The following NRXN3 variants were observed in gnomAD, a reference collection of about 807,000 sequenced individuals.
The protein encoded by NRXN3 is neurexin 3, also known as neurexin III.
In NRXN3, 32 loss-of-function variants were observed where a neutral mutation model predicts 137.6. The ratio of observed to expected loss-of-function variants is 0.23; its 90% CI spans 0.18 to 0.31. The LOEUF (loss-of-function observed/expected upper bound fraction) is 0.31, where lower values mean the gene tolerates loss of function less well. Among genes scored for constraint, NRXN3 ranks in the 10% least tolerant of loss-of-function variants. The pLI, the probability that NRXN3 is intolerant of heterozygous loss-of-function variation, is 1.00. For synonymous variants in NRXN3, 798 were observed against 784.5 expected (o/e 1.02, Z -0.29); for missense variants, 1,574 against 2,062.5 (o/e 0.76, Z 4.59).
chr14:79,671,808 C>T (rs574712127), intron 17 of NRXN3, among the ~76,000 whole-genome samples: 1 of 152,016 alleles, frequency 6.6e-6, no homozygotes, highest in East Asian at 1.9e-4. Flanking sequence ...AGCTGATAAG[C>T]ATTTCAAGGC....
At chr14:79,764,159 G>A (rs1439302814) in intron 19 of NRXN3, among the ~76,000 whole-genome samples, 3 of 87,070 alleles carry the variant, frequency 3.4e-5, no homozygotes, top group Non-Finnish European at 7.0e-5. Context: ...TTTTTCTTTT[G>A]GTGGGTGGGG....
At chr14:79,198,822 G>A (rs1334102629) in intron 15 of NRXN3, among the ~76,000 whole-genome samples, 2 of 152,072 alleles carry the variant, frequency 1.3e-5, no homozygotes, top group African/African-American at 4.8e-5. Flanking sequence ...TCCAAAATGG[G>A]GATTGAACTG....
intron 4 of NRXN3, among the ~76,000 whole-genome samples, chr14:78,624,862 G>A (rs2097441466): frequency 6.6e-6 from 1 of 151,596 alleles, no homozygotes; most frequent in Admixed American, 6.6e-5. Flanking sequence ...TTTGTTTTGA[G>A]AAGGAGTCTC....
At position 78,718,162 on chromosome 14, in the gene NRXN3, G is replaced by A. The variant is rs2098442956; in HGVS notation, c.2044+3023G>A. Among the ~76,000 whole-genome samples the A allele has an allele frequency of 2.6e-5, 4 of 152,130 alleles. No individual in the cohort carries two copies. In the South Asian group the frequency reaches 8.3e-4, roughly 32 times the overall value. On this transcript the variant is annotated intron_variant, in intron 8 of 20. Transcript: ENST00000335750. Reference sequence around the variant, plus strand: ...TCTCTCTAATTTTTATTATGTAGAAGCATTCTAGAATCAAGTCTAAGTCTA... The same window carrying A: ...TCTCTCTAATTTTTATTATGTAGAAACATTCTAGAATCAAGTCTAAGTCTA...
At chr14:78,374,048 G>A (rs1274556814) in intron 4 of NRXN3, among the ~76,000 whole-genome samples, 1 of 152,152 alleles carries the variant, frequency 6.6e-6, no homozygotes, top group Non-Finnish European at 1.5e-5. Context: ...AGGCATAAAA[G>A]TGGGGTTCTA....
intron 4 of NRXN3, among the ~76,000 whole-genome samples, chr14:78,494,521 T>C (rs1414097103): frequency 6.6e-6 from 1 of 151,018 alleles, no homozygotes; most frequent in Non-Finnish European, 1.5e-5. Flanking sequence ...AAATGAATGG[T>C]CTCGCTGTAA....
At chr14:78,546,137 C>G (rs1373350202) in intron 4 of NRXN3, among the ~76,000 whole-genome samples, 1 of 152,158 alleles carries the variant, frequency 6.6e-6, no homozygotes, top group Non-Finnish European at 1.5e-5. Context: ...TGAACAAATA[C>G]TGTCATATGG....
intron 3 of NRXN3, among the ~76,000 whole-genome samples, chr14:78,279,317 G>T (rs747981203): frequency 6.6e-6 from 1 of 152,160 alleles, no homozygotes; most frequent in African/African-American, 2.4e-5. Flanking sequence ...CTGGTTTTAA[G>T]CATTGCGTGT....
chr14:78,273,076 C>T (rs552890450), intron 2 of NRXN3, among the ~76,000 whole-genome samples: 1 of 152,348 alleles, frequency 6.6e-6, no homozygotes, highest in Admixed American at 6.5e-5. Flanking sequence ...TCCTGTATAA[C>T]AGCACACAGA....
At chr14:78,758,988 G>A (rs74064946) in intron 8 of NRXN3, among the ~76,000 whole-genome samples, 11 of 152,190 alleles carry the variant, frequency 7.2e-5, no homozygotes, top group Admixed American at 7.2e-4. Flanking sequence ...TCAGGAAAGA[G>A]GGACTTTTCA....
rs200471697 is a variant in NRXN3 at position 78,232,684 on chromosome 14, C to G, written c.-703-9707C>G. ...AGCCCTCCCTGCTTCTCTTCCCTAT[C>G]CCCTCATGTAAAGAATTCACTGGCT... is the stretch of plus-strand genomic sequence containing the variant. On this transcript the variant is annotated intron_variant, in intron 1 of 20. Transcript: ENST00000335750. 5.8e-4 allele frequency among the ~76,000 whole-genome samples: 88 copies of G among 152,294 alleles called. 1 individual carries two copies. The highest frequency in any genetic ancestry group is 5.4e-3 in the East Asian group (28 of 5,184).
intron 19 of NRXN3, among the ~76,000 whole-genome samples, chr14:79,749,942 TTGTC>T (rs1313831620): frequency 6.6e-6 from 1 of 152,174 alleles, no homozygotes; most frequent in African/African-American, 2.4e-5. Flanking sequence ...AAGAAAGACA[TTGTC>T]TGAGCACACA....
At chr14:78,656,246 A>T (rs1601962385) in intron 6 of NRXN3, among the ~76,000 whole-genome samples, 1 of 152,228 alleles carries the variant, frequency 6.6e-6, no homozygotes, top group East Asian at 1.9e-4. Flanking sequence ...AATAAATAGC[A>T]GTTAATGCAC....
At chr14:79,710,272 A>G (rs2098798402) in intron 19 of NRXN3, among the ~76,000 whole-genome samples, 1 of 152,122 alleles carries the variant, frequency 6.6e-6, no homozygotes, top group Admixed American at 6.6e-5. Flanking sequence ...AAAACAGAAT[A>G]ATTTCGTTGC....
At chr14:78,532,241 A>T (rs2153812650) in intron 4 of NRXN3, among the ~76,000 whole-genome samples, 1 of 151,996 alleles carries the variant, frequency 6.6e-6, no homozygotes, top group South Asian at 2.1e-4. Flanking sequence ...GAATCACTTG[A>T]ACCCAGGAGG....
At chr14:79,667,343 T>C (rs1342026303) in intron 17 of NRXN3, among the ~76,000 whole-genome samples, 2 of 152,082 alleles carry the variant, frequency 1.3e-5, no homozygotes, top group Non-Finnish European at 2.9e-5. Flanking sequence ...GTAGCTCCTA[T>C]AGAAGATTTA....
chr14:79,785,663 A>C (rs1029779328), intron 19 of NRXN3, among the ~76,000 whole-genome samples: 1 of 152,052 alleles, frequency 6.6e-6, no homozygotes, highest in Non-Finnish European at 1.5e-5. Context: ...CTACTTAATT[A>C]TAAGCTTCTT....
intron 15 of NRXN3, among the ~76,000 whole-genome samples, chr14:79,184,097 C>T (rs1223077812): frequency 1.3e-5 from 2 of 152,304 alleles, no homozygotes; most frequent in South Asian, 2.1e-4. Flanking sequence ...CTGCTTCAGG[C>T]TTCAGATCCT....
intron 8 of NRXN3, among the ~76,000 whole-genome samples, chr14:78,762,759 A>G (rs937682007): frequency 6.6e-6 from 1 of 152,224 alleles, no homozygotes; most frequent in African/African-American, 2.4e-5. Flanking sequence ...CCTGGCACAT[A>G]GTAAGTGCTC....
Sources: gnomAD v4.1 joint callset for allele counts (sites outside exome capture counted in the v4.1 genomes callset) on GRCh38, gnomAD v4.1.1 for gene constraint, MANE v1.5 for transcripts, NCBI Gene and HGNC (gene_info 2026-07-23, HGNC 2026-07-21) for gene names.